CSGALNACT1: variants seen among roughly 807,000 people sequenced by gnomAD.
CSGALNACT1 encodes chondroitin sulfate N-acetylgalactosaminyltransferase 1.
In CSGALNACT1, 52 loss-of-function variants were observed where a neutral mutation model predicts 51.0. The observed-to-expected ratio is 1.02, with a 90% CI of 0.82 to 1.29. The LOEUF (loss-of-function observed/expected upper bound fraction) is 1.29. Among genes scored for constraint, CSGALNACT1 ranks in the 50% most tolerant of loss-of-function variants. The pLI is 0.00. For synonymous variants in CSGALNACT1, 341 were observed against 254.4 expected (o/e 1.34, Z -3.24); for missense variants, 935 against 679.2 (o/e 1.38, Z -4.19).
intron 3 of CSGALNACT1, among the ~76,000 whole-genome samples, chr8:19,512,635 T>C (rs1219615554): frequency 6.6e-6 from 1 of 152,174 alleles, no homozygotes. Flanking sequence ...CTATAATCAG[T>C]TCTCCGTTTG....
intron 3 of CSGALNACT1, among the ~76,000 whole-genome samples, chr8:19,571,703 CA>C (rs1187771616): frequency 1.3e-5 from 2 of 152,184 alleles, no homozygotes; most frequent in Non-Finnish European, 2.9e-5. Flanking sequence ...CTTTCCCAGC[CA>C]AAGCCCACTG....
chr8:19,600,309 T>C (rs1388675015), intron 2 of CSGALNACT1, among the ~76,000 whole-genome samples: 1 of 152,188 alleles, frequency 6.6e-6, no homozygotes, highest in Non-Finnish European at 1.5e-5. Context: ...CTCGAACTCT[T>C]GACCTTGTGA....
intron 4 of CSGALNACT1, among the ~76,000 whole-genome samples, chr8:19,462,669 A>G (rs910548797): frequency 1.3e-5 from 2 of 152,052 alleles, no homozygotes; most frequent in Non-Finnish European, 2.9e-5. Context: ...CACACACCAC[A>G]ATTTATGCTG....
At chr8:19,567,587 A>G (rs1435029826) in intron 3 of CSGALNACT1, among the ~76,000 whole-genome samples, 1 of 152,232 alleles carries the variant, frequency 6.6e-6, no homozygotes, top group East Asian at 1.9e-4. Context: ...GATACCCACT[A>G]CCATCACTTT....
At chr8:19,574,626 C>T (rs770324094) in intron 3 of CSGALNACT1, among the ~76,000 whole-genome samples, 114 of 152,110 alleles carry the variant, frequency 7.5e-4, no homozygotes, top group Admixed American at 1.6e-3. Flanking sequence ...TTCAGGAGTC[C>T]GACCCTGGCA....
At chr8:19,581,320 T>C (rs1370135258) in intron 3 of CSGALNACT1, among the ~76,000 whole-genome samples, 1 of 152,234 alleles carries the variant, frequency 6.6e-6, no homozygotes, top group East Asian at 1.9e-4. Context: ...CATAGTTTCA[T>C]ACTCAATTAT....
rs528921451 is a variant in CSGALNACT1, at chr8:19,446,698, G to A, written c.852-6767C>T. ...CCAGCTAATTTTTGTATTTTCAGTG[G>A]AGACAGGGTTTCACCATGTTGGCCA... On this transcript the variant is annotated intron_variant, in intron 5 of 9. Coordinates refer to ENST00000454498, the Ensembl canonical transcript of CSGALNACT1. Among the ~76,000 whole-genome samples, 41 of 152,254 alleles carry A rather than the reference G, an allele frequency of 2.7e-4. No homozygotes were observed. In the Middle Eastern group the frequency reaches 0.017, roughly 63 times the overall value.
At chr8:19,544,125 AAAG>A (rs1338663163) in intron 3 of CSGALNACT1, among the ~76,000 whole-genome samples, 1 of 152,076 alleles carries the variant, frequency 6.6e-6, no homozygotes, top group Admixed American at 6.5e-5. Flanking sequence ...GTTTATGGGA[AAAG>A]AATAGTTTGG....
chr8:19,599,132 G>T (rs867620541), intron 2 of CSGALNACT1, among the ~76,000 whole-genome samples: 1 of 151,880 alleles, frequency 6.6e-6, no homozygotes, highest in African/African-American at 2.4e-5. Context: ...CACAGGTCGG[G>T]GAGGGGGAGC....
chr8:19,495,111 G>C (rs1415641891), intron 4 of CSGALNACT1: 1 of 152,188 alleles, frequency 6.6e-6, no homozygotes, highest in Non-Finnish European at 1.5e-5. Flanking sequence ...GAAACAGGTG[G>C]AGAGGGAGGA....
At chr8:19,662,074 A>ACCCCC (rs1159242984) in intron 1 of CSGALNACT1, among the ~76,000 whole-genome samples, 1 of 35,016 alleles carries the variant, frequency 2.9e-5, no homozygotes, top group African/African-American at 1.1e-4. Context: ...ACCCCCCCCC[A>ACCCCC]CCCCCCCCCC....
At chr8:19,443,986 C>T (rs2061725662) in intron 5 of CSGALNACT1, among the ~76,000 whole-genome samples, 1 of 152,190 alleles carries the variant, frequency 6.6e-6, no homozygotes, top group African/African-American at 2.4e-5. Flanking sequence ...TCCCTTACAT[C>T]TGCGGTTCAC....
At chr8:19,747,799 C>A (rs2064773748) in intron 1 of CSGALNACT1, among the ~76,000 whole-genome samples, 1 of 150,928 alleles carries the variant, frequency 6.6e-6, no homozygotes, top group Admixed American at 6.6e-5. Flanking sequence ...TCTACACCTC[C>A]AACTGGAGGA....
intron 2 of CSGALNACT1, among the ~76,000 whole-genome samples, chr8:19,596,031 T>C (rs759574303): frequency 6.6e-6 from 1 of 152,042 alleles, no homozygotes; most frequent in Non-Finnish European, 1.5e-5. Context: ...ACCGAGCTAA[T>C]TTTTAAAAAT....
intron 3 of CSGALNACT1, among the ~76,000 whole-genome samples, chr8:19,590,243 C>T (rs2047515929): frequency 6.6e-6 from 1 of 152,216 alleles, no homozygotes; most frequent in Non-Finnish European, 1.5e-5. Context: ...GATTACTAAA[C>T]TGCGCACTGA....
exon 10 of CSGALNACT1, chr8:19,404,358 T>C (rs796235789): frequency 1.3e-5 from 6 of 453,966 alleles, no homozygotes; most frequent in African/African-American, 1.2e-4. Context: ...AAAGAGATAA[T>C]TAGCTCATGC....
chr8:19,470,613 G>A (rs146293390), intron 4 of CSGALNACT1, among the ~76,000 whole-genome samples: 18 of 152,268 alleles, frequency 1.2e-4, no homozygotes, highest in South Asian at 2.1e-4. Context: ...GGGCATGAGC[G>A]GGGCAGGAGA....
At chr8:19,509,342 G>A (rs559907499) in intron 3 of CSGALNACT1, among the ~76,000 whole-genome samples, 12 of 152,122 alleles carry the variant, frequency 7.9e-5, no homozygotes, top group African/African-American at 7.2e-5. Context: ...GGTGTTGGCC[G>A]GGCACGGTGG....
At chr8:19,749,860 G>A (rs1425195335) in intron 1 of CSGALNACT1, among the ~76,000 whole-genome samples, 1 of 152,200 alleles carries the variant, frequency 6.6e-6, no homozygotes, top group Admixed American at 6.5e-5. Flanking sequence ...GACAGGGGAT[G>A]TACTGCTTTT....
Sources: allele counts gnomAD v4.1 joint callset (sites outside exome capture counted in the v4.1 genomes callset), GRCh38; gene constraint gnomAD v4.1.1; transcripts MANE v1.5; gene names NCBI Gene and HGNC (gene_info 2026-07-23, HGNC 2026-07-21).